GREB1L: variants seen among roughly 807,000 people sequenced by gnomAD.
The protein encoded by GREB1L is GREB1 like retinoic acid receptor coactivator, also known as GREB1-like protein.
In GREB1L, 17 loss-of-function variants were observed where a neutral mutation model predicts 200.8. That is an observed-to-expected ratio of 0.08 (90% CI 0.06 to 0.13). GREB1L has a LOEUF of 0.13. GREB1L is among the 10% of genes least tolerant of loss of function. The pLI, the probability that GREB1L is intolerant of heterozygous loss-of-function variation, is 1.00. For missense variants in GREB1L, 1,657 were observed against 2,367.7 expected (o/e 0.70, Z 6.23); for synonymous variants, 789 against 893.0 (o/e 0.88, Z 2.08).
intron 1 of GREB1L, among the ~76,000 whole-genome samples, chr18:21,294,863 G>T (rs1036784048): frequency 1.1e-4 from 16 of 152,036 alleles, no homozygotes; most frequent in Admixed American, 9.2e-4. Context: ...TTGAATCCAG[G>T]CCTGTTTGAC....
Position 21,508,505 on chromosome 18 carries a change from A to G in GREB1L, c.4649A>G (p.Lys1550Arg), listed in dbSNP as rs750253738. Reference sequence around the variant, plus strand: ...AGCCACCTTCACCTCCTGGTGGTCAAAGAGTATGAGATGCCTCTGTACCGC... The same window carrying G: ...AGCCACCTTCACCTCCTGGTGGTCAGAGAGTATGAGATGCCTCTGTACCGC... ...GISHLHLLVV[K>R]EYEMPLYRKY... Residue 1550 changes from lysine (K) to arginine (R), a missense_variant, in exon 27 of 33, where the codon AAA (lysine) becomes AGA (arginine). Physicochemically the swap from Lys to Arg is conservative, Grantham distance 26 (BLOSUM62 2). Around this residue, in one of 9 missense-constraint regions of GREB1L, gnomAD observed 151 missense variants for 309.6 expected, o/e 0.49. Coordinates refer to ENST00000424526, the MANE Select transcript of GREB1L (RefSeq NM_001142966.3). 6.4e-7 allele frequency: 1 copy of G among 1,551,778 alleles called. No individual in the cohort carries two copies. Among genetic ancestry groups the G allele is most frequent in the Non-Finnish European group, 8.7e-7 (1 of 1,147,030 alleles).
At chr18:21,256,889 T>C (rs2037806559) in intron 1 of GREB1L, among the ~76,000 whole-genome samples, 2 of 151,034 alleles carry the variant, frequency 1.3e-5, no homozygotes, top group African/African-American at 2.4e-5. Context: ...CCTATAATCC[T>C]AGCTACTCAA....
chr18:21,454,663 A>T, intron 15 of GREB1L, 100 bp downstream of exon 15: 2 of 897,672 alleles, frequency 2.2e-6, no homozygotes, highest in Non-Finnish European at 3.6e-6. Context: ...GATGCTTAAA[A>T]CCTTCTTCAG....
At chr18:21,432,953 C>T (rs987748610) in intron 7 of GREB1L, among the ~76,000 whole-genome samples, 4 of 151,990 alleles carry the variant, frequency 2.6e-5, no homozygotes, top group East Asian at 1.9e-4. Context: ...GTAATCCACC[C>T]GCCTTGGCCT....
At chr18:21,465,589 G>A (rs769653493) in intron 15 of GREB1L, among the ~76,000 whole-genome samples, 7 of 152,114 alleles carry the variant, frequency 4.6e-5, no homozygotes, top group Non-Finnish European at 7.4e-5. Flanking sequence ...TAATTGAAGA[G>A]TATACAGGTA....
At chr18:21,505,591 C>A in intron 24 of GREB1L, 24 bp downstream of exon 24, 1 of 1,550,210 alleles carries the variant, frequency 6.5e-7, no homozygotes, top group Non-Finnish European at 8.7e-7. Context: ...GCCAAGTTCA[C>A]CTCCTCTCTG....
At chr18:21,357,705 C>T (rs1217475125) in intron 1 of GREB1L, among the ~76,000 whole-genome samples, 1 of 152,200 alleles carries the variant, frequency 6.6e-6, no homozygotes, top group African/African-American at 2.4e-5. Flanking sequence ...GTTTTCCAAG[C>T]ATCAGTTATT....
rs551363393 is a variant in GREB1L, at chr18:21,345,350, C to A, written c.-119-20677C>A. On this transcript the variant is annotated intron_variant, in intron 1 of 32. Transcript: ENST00000424526. ...GAAAAAAGAACTACTCTGGCTGGAA[C>A]ATGCCATGTCCAGGTAGGAGGCTGC... 4.5e-4 allele frequency among the ~76,000 whole-genome samples: 69 copies of A among 152,322 alleles called. 2 individuals carry two copies. In the South Asian group the frequency reaches 0.012, roughly 27 times the overall value.
intron 1 of GREB1L, among the ~76,000 whole-genome samples, chr18:21,306,814 A>C (rs548436167): frequency 6.6e-6 from 1 of 152,372 alleles, no homozygotes; most frequent in East Asian, 1.9e-4. Context: ...GCATATGCCT[A>C]TGCTTAAGGG....
intron 15 of GREB1L, chr18:21,455,130 TAA>T (rs796577315): frequency 3.2e-4 from 46 of 145,798 alleles, no homozygotes; most frequent in African/African-American, 1.1e-3. Flanking sequence ...TTTACAAGTC[TAA>T]AAAAAAAAAA....
At chr18:21,404,055 AAATATATACTT>A in intron 7 of GREB1L, 61 bp downstream of exon 7, 2 of 1,397,256 alleles carry the variant, frequency 1.4e-6, no homozygotes, top group Non-Finnish European at 9.9e-7. Flanking sequence ...AGACTTTTTA[AAATATATACTT>A]ACTGCTGGCT....
At chr18:21,510,221 A>G (rs1368793142) in intron 27 of GREB1L, among the ~76,000 whole-genome samples, 2 of 152,144 alleles carry the variant, frequency 1.3e-5, no homozygotes, top group Non-Finnish European at 2.9e-5. Flanking sequence ...TCCAAAAAAA[A>G]AAAAAAAAAG....
At chr18:21,245,294 G>C (rs1475941508) in intron 1 of GREB1L, among the ~76,000 whole-genome samples, 1 of 152,132 alleles carries the variant, frequency 6.6e-6, no homozygotes, top group Non-Finnish European at 1.5e-5. Flanking sequence ...TAATTATTTT[G>C]AATAAGTCTA....
intron 1 of GREB1L, among the ~76,000 whole-genome samples, chr18:21,360,327 T>C (rs2039564067): frequency 6.6e-6 from 1 of 151,900 alleles, no homozygotes; most frequent in Admixed American, 6.6e-5. Flanking sequence ...CAAGCAATTC[T>C]CCTGCCTCAG....
chr18:21,380,624 G>A (rs1411501310), intron 2 of GREB1L: 1 of 152,240 alleles, frequency 6.6e-6, no homozygotes, highest in Non-Finnish European at 1.5e-5. Context: ...GAATGGTAGT[G>A]AACTGGTCAC....
intron 1 of GREB1L, among the ~76,000 whole-genome samples, chr18:21,307,351 A>G (rs1028659924): frequency 6.6e-6 from 1 of 152,226 alleles, no homozygotes; most frequent in Non-Finnish European, 1.5e-5. Flanking sequence ...TTGGCCTGGT[A>G]GAATTAAGGT....
intron 1 of GREB1L, among the ~76,000 whole-genome samples, chr18:21,256,629 T>A (rs1035737022): frequency 2.1e-4 from 32 of 152,180 alleles, no homozygotes; most frequent in African/African-American, 7.5e-4. Context: ...ACTCTTGATA[T>A]TTTTTACTCT....
intron 1 of GREB1L, among the ~76,000 whole-genome samples, chr18:21,284,488 T>A (rs547886850): frequency 2.0e-5 from 3 of 152,340 alleles, no homozygotes; most frequent in African/African-American, 7.2e-5. Flanking sequence ...AGTTCATCCA[T>A]GTACTAATAC....
chr18:21,347,257 C>G lies in GREB1L; in HGVS notation c.-119-18770C>G, dbSNP rs540836316. On this transcript the variant is annotated intron_variant, in intron 1 of 32. Coordinates refer to ENST00000424526, the MANE Select transcript of GREB1L (RefSeq NM_001142966.3). ...TTGCACCACTGCACTCCAGCCTGAG[C>G]AACAGAGCAAGACTCCGTCTCAAAA... Among the ~76,000 whole-genome samples the G allele has an allele frequency of 1.9e-4, 28 of 148,224 alleles. No homozygotes were observed. In the East Asian group the frequency reaches 4.8e-3, roughly 25 times the overall value.
Sources: allele counts gnomAD v4.1 joint callset (sites outside exome capture counted in the v4.1 genomes callset), GRCh38; gene constraint gnomAD v4.1.1; regional missense constraint gnomAD v4.1.1; transcripts MANE v1.5; gene names NCBI Gene and HGNC (gene_info 2026-07-23, HGNC 2026-07-21).